Variants in ARHGAP24 observed in about 807,000 individuals in gnomAD.
The protein encoded by ARHGAP24 is rho GTPase-activating protein 24.
Under a neutral mutation model 76.4 loss-of-function variants are expected in ARHGAP24, and 50 were observed. The observed-to-expected ratio is 0.65, with a 90% CI of 0.52 to 0.83. The LOEUF is 0.83. Among genes scored for constraint, ARHGAP24 ranks in the 40% least tolerant of loss-of-function variants. The probability of loss-of-function intolerance (pLI) is 0.00; values close to 1 mark genes in which losing one functional copy is unlikely to be tolerated. For missense variants in ARHGAP24, 930 were observed against 914.2 expected (o/e 1.02, Z -0.22); for synonymous variants, 345 against 323.3 (o/e 1.07, Z -0.72).
intron 3 of ARHGAP24, among the ~76,000 whole-genome samples, chr4:85,810,804 A>T (rs1728980802): frequency 6.6e-6 from 1 of 152,220 alleles, no homozygotes; most frequent in Non-Finnish European, 1.5e-5. Flanking sequence ...AATTATTATA[A>T]CACATGTTGA....
intron 2 of ARHGAP24, among the ~76,000 whole-genome samples, chr4:85,633,407 T>C (rs1721222022): frequency 6.6e-6 from 1 of 151,974 alleles, no homozygotes; most frequent in African/African-American, 2.4e-5. Context: ...CAAGTATTTA[T>C]GTGGTATCTT....
In ARHGAP24 at chr4:85,483,517, C is replaced by T. The variant is rs370556330; in HGVS notation, c.-21+7958C>T. 2.0e-4 allele frequency among the ~76,000 whole-genome samples: 30 copies of T among 152,168 alleles called. No homozygotes were observed. In the East Asian group the frequency reaches 3.3e-3, roughly 17 times the overall value. On this transcript the variant is annotated intron_variant, in intron 1 of 9. Transcript: ENST00000395184. ...ATCCCAGCTACTCAGGAGTCTGAGG[C>T]AGGAGAATTGCTTGAACCCTGGAGG... is the stretch of plus-strand genomic sequence containing the variant.
chr4:85,564,846 G>A (rs1037425754), intron 1 of ARHGAP24, among the ~76,000 whole-genome samples: 5 of 146,774 alleles, frequency 3.4e-5, no homozygotes, highest in South Asian at 2.2e-4. Context: ...GTGTGGCCCC[G>A]TTCCTAACTG....
chr4:85,673,723 G>C (rs939143525), intron 2 of ARHGAP24, among the ~76,000 whole-genome samples: 6 of 145,634 alleles, frequency 4.1e-5, no homozygotes, highest in Non-Finnish European at 9.2e-5. Context: ...AGCATTGAGA[G>C]GATGACTTTC....
intron 3 of ARHGAP24, among the ~76,000 whole-genome samples, chr4:85,815,279 T>C (rs1192644857): frequency 6.6e-6 from 1 of 152,234 alleles, no homozygotes; most frequent in Non-Finnish European, 1.5e-5. Context: ...TGCAAATTTC[T>C]GCATCTTGAA....
At chr4:85,975,438 G>C (rs1739263348) in intron 7 of ARHGAP24, 2 of 155,886 alleles carry the variant, frequency 1.3e-5, no homozygotes, top group African/African-American at 4.8e-5. Context: ...TAAATGATTA[G>C]TATATAGTAA....
intron 3 of ARHGAP24, among the ~76,000 whole-genome samples, chr4:85,832,922 T>A (rs566603749): frequency 6.6e-6 from 1 of 152,138 alleles, no homozygotes; most frequent in African/African-American, 2.4e-5. Context: ...AGAATAGAGG[T>A]GTCCGAGGTG....
intron 2 of ARHGAP24, among the ~76,000 whole-genome samples, chr4:85,615,357 A>G (rs1052476772): frequency 1.9e-4 from 29 of 152,058 alleles, no homozygotes; most frequent in African/African-American, 6.5e-4. Context: ...CCCTCCTAAA[A>G]CAACAAAAGA....
intron 2 of ARHGAP24, among the ~76,000 whole-genome samples, chr4:85,661,185 A>G (rs1056806182): frequency 6.6e-6 from 1 of 152,232 alleles, no homozygotes; most frequent in South Asian, 2.1e-4. Context: ...GTGAGTGGTT[A>G]CTGTCAGAAA....
At chr4:85,481,044 C>T (rs1363452438) in intron 1 of ARHGAP24, among the ~76,000 whole-genome samples, 1 of 152,054 alleles carries the variant, frequency 6.6e-6, no homozygotes, top group Non-Finnish European at 1.5e-5. Flanking sequence ...TTTTTTCCCT[C>T]TCCTTGAATC....
chr4:85,782,438 C>A (rs565014164), intron 3 of ARHGAP24, among the ~76,000 whole-genome samples: 2 of 152,240 alleles, frequency 1.3e-5, no homozygotes, highest in South Asian at 4.2e-4. Context: ...AGGAAACAAC[C>A]ATTTAAATGA....
chr4:85,911,302 C>G (rs1735065007), intron 3 of ARHGAP24, among the ~76,000 whole-genome samples: 1 of 152,150 alleles, frequency 6.6e-6, no homozygotes, highest in African/African-American at 2.4e-5. Flanking sequence ...GCTTGTGCAG[C>G]TCTGGCAGTG....
At chr4:85,805,351 CT>C (rs1446764461) in intron 3 of ARHGAP24, among the ~76,000 whole-genome samples, 1 of 152,106 alleles carries the variant, frequency 6.6e-6, no homozygotes, top group Non-Finnish European at 1.5e-5. Flanking sequence ...AAATGAAATA[CT>C]TCTTCAGAGC....
At chr4:85,811,362 G>C (rs1387080875) in intron 3 of ARHGAP24, among the ~76,000 whole-genome samples, 2 of 152,154 alleles carry the variant, frequency 1.3e-5, no homozygotes, top group Non-Finnish European at 2.9e-5. Flanking sequence ...CCCCAGGTAT[G>C]AGTTCACTCC....
chr4:85,967,519 C>CA (rs1478261685), intron 5 of ARHGAP24, among the ~76,000 whole-genome samples: 1 of 152,040 alleles, frequency 6.6e-6, no homozygotes, highest in Non-Finnish European at 1.5e-5. Context: ...CAGGAGGAAA[C>CA]ACGATTCAGA....
intron 2 of ARHGAP24, among the ~76,000 whole-genome samples, chr4:85,580,502 T>G (rs1727563760): frequency 6.6e-6 from 1 of 152,156 alleles, no homozygotes; most frequent in Non-Finnish European, 1.5e-5. Context: ...TTTTCATTAT[T>G]TCACATGAAC....
intron 2 of ARHGAP24, among the ~76,000 whole-genome samples, chr4:85,682,339 A>G (rs1723235936): frequency 6.6e-6 from 1 of 152,244 alleles, no homozygotes; most frequent in South Asian, 2.1e-4. Context: ...TTACCAGAAA[A>G]CAATTAAAGT....
chr4:85,799,427 C>A (rs1728491432), intron 3 of ARHGAP24, among the ~76,000 whole-genome samples: 1 of 151,924 alleles, frequency 6.6e-6, no homozygotes, highest in South Asian at 2.1e-4. Context: ...AAGATAGTAT[C>A]AGATTATAAC....
At chr4:85,680,325 T>C (rs912108665) in intron 2 of ARHGAP24, among the ~76,000 whole-genome samples, 21 of 152,220 alleles carry the variant, frequency 1.4e-4, no homozygotes, top group African/African-American at 5.1e-4. Context: ...GAAAGGTTTT[T>C]ATAAAGCCCT....
Sources: gnomAD v4.1 joint callset for allele counts (sites outside exome capture counted in the v4.1 genomes callset) on GRCh38, gnomAD v4.1.1 for gene constraint, MANE v1.5 for transcripts, NCBI Gene and HGNC (gene_info 2026-07-23, HGNC 2026-07-21) for gene names.